RBM6: variants seen among roughly 807,000 people sequenced by gnomAD.
RBM6 encodes RNA-binding protein 6.
A neutral mutation model predicts 140.4 loss-of-function variants in RBM6; 23 were observed. The ratio of observed to expected loss-of-function variants is 0.16; its 90% CI spans 0.12 to 0.23. The LOEUF (loss-of-function observed/expected upper bound fraction) is 0.23, where lower values mean the gene tolerates loss of function less well. Among genes scored for constraint, RBM6 ranks in the 10% least tolerant of loss-of-function variants. The probability of loss-of-function intolerance (pLI) is 1.00; values close to 1 mark genes in which losing one functional copy is unlikely to be tolerated. For missense variants in RBM6, 1,139 were observed against 1,386.7 expected (o/e 0.82, Z 2.84); for synonymous variants, 439 against 475.6 (o/e 0.92, Z 1.00).
At chr3:49,953,997 A>G (rs1370179613) in intron 1 of RBM6, among the ~76,000 whole-genome samples, 42 of 152,140 alleles carry the variant, frequency 2.8e-4, no homozygotes, top group Admixed American at 2.8e-3. Flanking sequence ...TTAGCCGAGC[A>G]TGGTAGTGCA....
intron 5 of RBM6, among the ~76,000 whole-genome samples, chr3:49,992,127 C>G (rs928530055): frequency 6.6e-6 from 1 of 151,706 alleles, no homozygotes; most frequent in Non-Finnish European, 1.5e-5. Flanking sequence ...GATTTAAAAC[C>G]TTTTGTAGAG....
chr3:49,994,365 G>A (rs1289392962), intron 5 of RBM6, among the ~76,000 whole-genome samples: 1 of 152,072 alleles, frequency 6.6e-6, no homozygotes, highest in Non-Finnish European at 1.5e-5. Context: ...ACCCAGCCTC[G>A]CATGAGATTT....
At chr3:49,947,944 A>G (rs1015419901) in intron 1 of RBM6, among the ~76,000 whole-genome samples, 2 of 152,214 alleles carry the variant, frequency 1.3e-5, no homozygotes, top group Admixed American at 6.5e-5. Flanking sequence ...AAATACCACA[A>G]TTAGCTGGGC....
chr3:49,985,901 T>C (rs7647617), intron 5 of RBM6, among the ~76,000 whole-genome samples: 152,017 of 152,278 alleles, frequency 1, 75,883 homozygotes, highest in Middle Eastern at 1. Context: ...CCACCATGCC[T>C]GGCCTTAAGA....
intron 1 of RBM6, among the ~76,000 whole-genome samples, chr3:49,943,714 A>G (rs1045340537): frequency 6.6e-6 from 1 of 151,968 alleles, no homozygotes; most frequent in African/African-American, 2.4e-5. Flanking sequence ...TTGGCCTCTC[A>G]AGGTACTGGT....
intron 3 of RBM6, 128 bp downstream of exon 3, chr3:49,968,876 T>G: frequency 1.7e-6 from 2 of 1,181,146 alleles, no homozygotes; most frequent in South Asian, 3.5e-5. Flanking sequence ...GCCTCCTGGG[T>G]TCATGCCATT....
intron 1 of RBM6, among the ~76,000 whole-genome samples, chr3:49,955,896 ATATT>A (rs1460454829): frequency 1.3e-5 from 2 of 151,026 alleles, no homozygotes; most frequent in Non-Finnish European, 2.9e-5. Context: ...ATATGTATAT[ATATT>A]CTGCCAATAT....
At chr3:50,050,578 GTCA>G (rs1372992327) in intron 7 of RBM6, among the ~76,000 whole-genome samples, 1 of 152,124 alleles carries the variant, frequency 6.6e-6, no homozygotes, top group Non-Finnish European at 1.5e-5. Flanking sequence ...GAATTGCTGA[GTCA>G]TATGGTAATT....
intron 5 of RBM6, among the ~76,000 whole-genome samples, chr3:49,991,486 G>C (rs1575629450): frequency 6.6e-6 from 1 of 152,056 alleles, no homozygotes; most frequent in East Asian, 1.9e-4. Flanking sequence ...AGCTATCTAG[G>C]GGCTTTCCAA....
At chr3:50,026,443 G>A (rs1371729159) in intron 6 of RBM6, among the ~76,000 whole-genome samples, 2 of 149,836 alleles carry the variant, frequency 1.3e-5, no homozygotes, top group African/African-American at 4.9e-5. Context: ...GCAGTGGCAC[G>A]ATCTCAGCTC....
intron 6 of RBM6, among the ~76,000 whole-genome samples, chr3:50,024,153 A>T (rs1033913580): frequency 1.3e-5 from 2 of 152,226 alleles, no homozygotes; most frequent in African/African-American, 4.8e-5. Context: ...TTGCTAGGTT[A>T]TCTAAAATGG....
intron 6 of RBM6, among the ~76,000 whole-genome samples, chr3:50,034,018 G>A (rs1463102175): frequency 6.6e-6 from 1 of 151,016 alleles, no homozygotes; most frequent in Non-Finnish European, 1.5e-5. Context: ...AATGCCCCCT[G>A]TCTAGAAACA....
In RBM6 at chr3:49,946,693, G is replaced by A. The variant is rs2083501564; in HGVS notation, c.-67+6468G>A. 5.9e-5 allele frequency among the ~76,000 whole-genome samples: 9 copies of A among 151,788 alleles called. 1 individual carries two copies. The South Asian group carries it at 1.9e-3, about 32-fold the overall frequency. On this transcript the variant is annotated intron_variant, in intron 1 of 20. Coordinates refer to ENST00000266022, the MANE Select transcript of RBM6 (RefSeq NM_005777.3). ...TGGGATTACAGGCGTGTGCCACCAC[G>A]CCTGGCTAATTTTTGTATTTTAGTA...
At chr3:50,067,543 T>A (rs2090161651) in intron 17 of RBM6, among the ~76,000 whole-genome samples, 1 of 152,250 alleles carries the variant, frequency 6.6e-6, no homozygotes, top group African/African-American at 2.4e-5. Flanking sequence ...TCTGACAGTG[T>A]GCAGTTTTCA....
At chr3:49,987,128 A>G (rs1412559819) in intron 5 of RBM6, among the ~76,000 whole-genome samples, 1 of 151,810 alleles carries the variant, frequency 6.6e-6, no homozygotes, top group Non-Finnish European at 1.5e-5. Flanking sequence ...GCTGGAGTGC[A>G]GTGGCACGAT....
At chr3:50,006,075 T>G (rs2086557128) in intron 6 of RBM6, among the ~76,000 whole-genome samples, 1 of 152,108 alleles carries the variant, frequency 6.6e-6, no homozygotes, top group Admixed American at 6.5e-5. Context: ...AGACTTTTTT[T>G]TTTGAGATGG....
At chr3:50,004,037 TAA>T (rs2086461544) in intron 6 of RBM6, among the ~76,000 whole-genome samples, 1 of 152,362 alleles carries the variant, frequency 6.6e-6, no homozygotes, top group Admixed American at 6.5e-5. Context: ...AGTATTGTGT[TAA>T]AATGTTAATC....
intron 6 of RBM6, among the ~76,000 whole-genome samples, chr3:50,004,622 A>G (rs1263932957): frequency 1.3e-5 from 2 of 151,566 alleles, no homozygotes; most frequent in Admixed American, 6.6e-5. Flanking sequence ...CTATTTTTAA[A>G]TTTTTATTTT....
intron 19 of RBM6, 42 bp from the exon 20 acceptor site, chr3:50,075,156 CAAA>C (rs376657561): frequency 9.2e-4 from 1,284 of 1,396,002 alleles, no homozygotes; most frequent in South Asian, 2.7e-3. Flanking sequence ...AACTCCGTCT[CAAA>C]AAAAAAAAAA....
Sources: allele counts gnomAD v4.1 joint callset (sites outside exome capture counted in the v4.1 genomes callset), GRCh38; gene constraint gnomAD v4.1.1; transcripts MANE v1.5; gene names NCBI Gene and HGNC (gene_info 2026-07-23, HGNC 2026-07-21).